Variants in APOL5 observed in about 807,000 individuals in gnomAD.
APOL5 encodes the protein apolipoprotein L5.
In APOL5, 29 loss-of-function variants were observed where a neutral mutation model predicts 35.5. That is an observed-to-expected ratio of 0.82 (90% CI 0.61 to 1.11). The LOEUF is 1.11. APOL5 is among the 50% of genes most tolerant of loss of function. APOL5 has a pLI of 0.00. For missense variants in APOL5, 514 were observed against 530.4 expected (o/e 0.97, Z 0.30); for synonymous variants, 188 against 200.2 (o/e 0.94, Z 0.51).
upstream of APOL5, among the ~76,000 whole-genome samples, chr22:35,715,160 T>C (rs1367885426): frequency 6.6e-6 from 1 of 152,190 alleles, no homozygotes; most frequent in South Asian, 2.1e-4. Flanking sequence ...GCCCATTTCA[T>C]GGACAGACCC....
intron 2 of APOL5, among the ~76,000 whole-genome samples, chr22:35,725,283 T>G (rs1927109389): frequency 6.6e-6 from 1 of 152,164 alleles, no homozygotes; most frequent in Non-Finnish European, 1.5e-5. Flanking sequence ...TTTTGTTTTT[T>G]TAGATGAACT....
At position 35,727,215 on chromosome 22, in the gene APOL5, A is replaced by G. The variant is rs771498298; in HGVS notation, c.1126+21A>G. ...AGAAGGTAGGAAGGCAGCGAATAACACGGACGTGGTCTTGCTCTTCTAAAA... is the reference window on the plus strand; with the variant it reads ...AGAAGGTAGGAAGGCAGCGAATAACGCGGACGTGGTCTTGCTCTTCTAAAA... On this transcript the variant is annotated intron_variant, in intron 3 of 4. Transcript: ENST00000249044. The G allele has an allele frequency of 1.6e-5, 26 of 1,582,544 alleles. No individual in the cohort carries two copies. In the South Asian group the frequency reaches 2.7e-4, roughly 16 times the overall value.
chr22:35,728,424 C>T (rs540163924), intron 3 of APOL5, among the ~76,000 whole-genome samples: 25 of 152,230 alleles, frequency 1.6e-4, no homozygotes, highest in Middle Eastern at 3.4e-3. Flanking sequence ...AGGGTTTCAC[C>T]GTGTTAGCCA....
intron 2 of APOL5, among the ~76,000 whole-genome samples, chr22:35,723,414 G>A (rs1927041517): frequency 6.6e-6 from 1 of 152,206 alleles, no homozygotes; most frequent in African/African-American, 2.4e-5. Flanking sequence ...TGGTACTTAA[G>A]AACAGTGATT....
intron 1 of APOL5, 57 bp downstream of exon 1, chr22:35,717,983 C>T: frequency 7.1e-7 from 1 of 1,410,998 alleles, no homozygotes; most frequent in Non-Finnish European, 9.6e-7. Context: ...CAAATTGTCC[C>T]AGAAATAGAA....
chr22:35,719,242 A>T (rs1926873305), intron 1 of APOL5, among the ~76,000 whole-genome samples: 1 of 152,164 alleles, frequency 6.6e-6, no homozygotes, highest in Non-Finnish European at 1.5e-5. Context: ...AAATTTGACT[A>T]TCTTTTTGTC....
chr22:35,717,235 A>AAATAT, upstream of APOL5, among the ~76,000 whole-genome samples: 151 of 57,650 alleles, frequency 2.6e-3, 2 homozygotes, highest in African/African-American at 6.1e-3. Context: ...AAAAAAAAAA[A>AAATAT]ATATATATAT....
chr22:35,718,592 T>C (rs1184795278), intron 1 of APOL5, among the ~76,000 whole-genome samples: 12 of 27,144 alleles, frequency 4.4e-4, no homozygotes, highest in Non-Finnish European at 6.4e-4. Context: ...AGACCCCGTC[T>C]CAAAAAAAAA....
chr22:35,717,235 A>AAAAAATATATATATATATAT, upstream of APOL5, among the ~76,000 whole-genome samples: 3 of 57,656 alleles, frequency 5.2e-5, no homozygotes, highest in African/African-American at 1.6e-4. Context: ...AAAAAAAAAA[A>AAAAAATATATATATATATAT]ATATATATAT....
intron 3 of APOL5, among the ~76,000 whole-genome samples, chr22:35,728,066 TG>T (rs1350092993): frequency 1.3e-5 from 2 of 152,234 alleles, no homozygotes; most frequent in Non-Finnish European, 2.9e-5. Context: ...GTGGGGCCTG[TG>T]ATGGGCCGAG....
chr22:35,727,447 G>T (rs555066326), intron 3 of APOL5, among the ~76,000 whole-genome samples: 3 of 152,198 alleles, frequency 2.0e-5, no homozygotes, highest in African/African-American at 7.2e-5. Flanking sequence ...GTGTGTTTGT[G>T]GGGGTGCTCC....
intron 1 of APOL5, 121 bp from the exon 2 acceptor site, chr22:35,720,447 C>T: frequency 3.2e-6 from 2 of 615,406 alleles, no homozygotes; most frequent in Non-Finnish European, 5.2e-6. Flanking sequence ...TTGTTGTATT[C>T]TTTTTTTTTT....
At chr22:35,710,113 C>CTTTTTTTTT in the APOL5 span, among the ~76,000 whole-genome samples, 9 of 86,712 alleles carry the variant, frequency 1.0e-4, 1 homozygote, top group African/African-American at 4.1e-4. Flanking sequence ...CTTTCTTTCT[C>CTTTTTTTTT]TTTTTTTTTT....
chr22:35,708,914 AC>A, the APOL5 span, among the ~76,000 whole-genome samples: 1 of 152,252 alleles, frequency 6.6e-6, no homozygotes, highest in East Asian at 1.9e-4. Flanking sequence ...ACAGACTGTG[AC>A]AACGGAGGGT....
At chr22:35,723,171 G>A (rs1927032744) in intron 2 of APOL5, among the ~76,000 whole-genome samples, 1 of 152,102 alleles carries the variant, frequency 6.6e-6, no homozygotes, top group Non-Finnish European at 1.5e-5. Flanking sequence ...TGAGGCCGTG[G>A]GGTTCCTTGG....
At chr22:35,718,188 T>C (rs1926826559) in intron 1 of APOL5, among the ~76,000 whole-genome samples, 1 of 152,246 alleles carries the variant, frequency 6.6e-6, no homozygotes, top group South Asian at 2.1e-4. Flanking sequence ...AGCAGCTCTT[T>C]AAGCCCCTGC....
rs765095852 is a variant in APOL5 at position 35,726,330 on chromosome 22, G to C, written c.262G>C (p.Asp88His). 1 of 1,614,198 alleles carries C rather than the reference G, an allele frequency of 6.2e-7. No homozygotes were observed. Among genetic ancestry groups the C allele is most frequent in the Non-Finnish European group, 8.5e-7 (1 of 1,180,044 alleles). The change falls in exon 3 of 5, where the codon GAT becomes CAT. Residue 88 changes from aspartate (D) to histidine (H), a missense_variant. Coordinates refer to ENST00000249044, the MANE Select transcript of APOL5 (RefSeq NM_030642.1). Reference protein sequence around the residue: ...LFEELMRCDKDSMPDGNLSEE... With the variant: ...LFEELMRCDKHSMPDGNLSEE... Reference sequence around the variant, plus strand: ...TGAAGAGCTGATGCGATGTGACAAAGATTCCATGCCAGATGGAAATCTGTC... The same window carrying C: ...TGAAGAGCTGATGCGATGTGACAAACATTCCATGCCAGATGGAAATCTGTC...
chr22:35,721,335 G>T (rs2145999422), intron 2 of APOL5, among the ~76,000 whole-genome samples: 1 of 152,254 alleles, frequency 6.6e-6, no homozygotes, highest in East Asian at 1.9e-4. Context: ...TTGAGGTCAG[G>T]AGTTCAAGGA....
chr22:35,726,657 G>T lies in APOL5; in HGVS notation c.589G>T (p.Ala197Ser), dbSNP rs745907508. 19 of 1,614,104 alleles carry T rather than the reference G, an allele frequency of 1.2e-5. No homozygotes were observed. Among genetic ancestry groups the T allele is most frequent in the Non-Finnish European group, 1.6e-5 (19 of 1,180,056 alleles). Residue 197 changes from alanine (A) to serine (S), a missense_variant, in exon 3 of 5, where the codon GCA (alanine) becomes TCA (serine). Coordinates refer to ENST00000249044, the MANE Select transcript of APOL5 (RefSeq NM_030642.1). ...TGTCTTAGAAAATAGAAGCAATTCA[G>T]CAGCAAGAGACAAAGCCAGCCGACT... ...TNVLENRSNS[A>S]ARDKASRLGP...
Sources: allele counts gnomAD v4.1 joint callset (sites outside exome capture counted in the v4.1 genomes callset), GRCh38; gene constraint gnomAD v4.1.1; transcripts MANE v1.5; gene names NCBI Gene and HGNC (gene_info 2026-07-23, HGNC 2026-07-21).